Variants in CIMIP3 observed in about 807,000 individuals in gnomAD.
The protein encoded by CIMIP3 is ciliary microtubule inner protein 3.
the CIMIP3 span, chr6:42,155,711 A>G: frequency 1.7e-5 from 12 of 701,420 alleles, no homozygotes; most frequent in Non-Finnish European, 3.2e-5. Flanking sequence ...AGGGAACAGG[A>G]CACCCTCCAT....
At chr6:42,161,423 A>G in the CIMIP3 span, among the ~76,000 whole-genome samples, 1 of 152,116 alleles carries the variant, frequency 6.6e-6, no homozygotes, top group African/African-American at 2.4e-5. Flanking sequence ...AGGATGGATG[A>G]TTGCCTACAG....
At chr6:42,160,919 T>C in the CIMIP3 span, among the ~76,000 whole-genome samples, 1 of 152,226 alleles carries the variant, frequency 6.6e-6, no homozygotes, top group Non-Finnish European at 1.5e-5. Flanking sequence ...CCGGGTGAAG[T>C]GGCTCATGCC....
At chr6:42,162,558 G>T in the CIMIP3 span, among the ~76,000 whole-genome samples, 1 of 151,186 alleles carries the variant, frequency 6.6e-6, no homozygotes, top group Non-Finnish European at 1.5e-5. Context: ...CGGAGCAGTG[G>T]CAGGGAAGAG....
At chr6:42,155,424 C>T in the CIMIP3 span, 1 of 652,576 alleles carries the variant, frequency 1.5e-6, no homozygotes, top group South Asian at 1.7e-5. Context: ...GCCAAGAGTC[C>T]TCCCTGACCA....
the CIMIP3 span, chr6:42,163,085 G>A: frequency 2.8e-6 from 2 of 716,032 alleles, no homozygotes; most frequent in East Asian, 2.7e-5. Flanking sequence ...GCAGAATCCG[G>A]ACAAGCTCAG....
the CIMIP3 span, among the ~76,000 whole-genome samples, chr6:42,161,660 G>A: frequency 6.6e-6 from 1 of 152,172 alleles, no homozygotes; most frequent in Non-Finnish European, 1.5e-5. Context: ...AAGAGTGGTG[G>A]TTAGGACGAG....
chr6:42,157,629 A>G, the CIMIP3 span, among the ~76,000 whole-genome samples: 3 of 151,472 alleles, frequency 2.0e-5, no homozygotes, highest in East Asian at 1.9e-4. Context: ...GCCTCAAGCA[A>G]TCCTCCTGCC....
At chr6:42,158,875 C>T in the CIMIP3 span, among the ~76,000 whole-genome samples, 1 of 152,174 alleles carries the variant, frequency 6.6e-6, no homozygotes. Flanking sequence ...TGGCCCCAAC[C>T]CCATGAGCCC....
chr6:42,159,769 C>T, the CIMIP3 span, among the ~76,000 whole-genome samples: 2 of 152,226 alleles, frequency 1.3e-5, no homozygotes, highest in Admixed American at 6.5e-5. Context: ...GCACAAGACA[C>T]GTCATGGAGC....
At chr6:42,159,698 G>A in the CIMIP3 span, among the ~76,000 whole-genome samples, 11 of 152,208 alleles carry the variant, frequency 7.2e-5, no homozygotes, top group Non-Finnish European at 1.2e-4. Flanking sequence ...GATGAAATGA[G>A]GACAGAAAGA....
the CIMIP3 span, among the ~76,000 whole-genome samples, chr6:42,162,517 GC>G: frequency 6.6e-6 from 1 of 151,346 alleles, no homozygotes; most frequent in Admixed American, 6.6e-5. Flanking sequence ...AGCTGGAGGG[GC>G]CCCACAGGAT....
the CIMIP3 span, among the ~76,000 whole-genome samples, chr6:42,158,763 G>C: frequency 6.6e-6 from 1 of 152,146 alleles, no homozygotes; most frequent in Non-Finnish European, 1.5e-5. Flanking sequence ...CCTGACATTT[G>C]GCAGATCCTC....
the CIMIP3 span, among the ~76,000 whole-genome samples, chr6:42,162,537 C>G: frequency 2.8e-4 from 41 of 147,982 alleles, no homozygotes; most frequent in East Asian, 7.9e-3. Flanking sequence ...ATAGAGAGGT[C>G]GAAGGCCTGA....
the CIMIP3 span, among the ~76,000 whole-genome samples, chr6:42,157,486 G>A: frequency 1.4e-4 from 22 of 152,056 alleles, no homozygotes; most frequent in Non-Finnish European, 2.6e-4. Flanking sequence ...CTGGGCTCAA[G>A]TGATCTGCCC....
At chr6:42,160,066 G>C in the CIMIP3 span, among the ~76,000 whole-genome samples, 1 of 152,076 alleles carries the variant, frequency 6.6e-6, no homozygotes, top group Non-Finnish European at 1.5e-5. Context: ...GCTCACTGCA[G>C]CCTCGACCTC....
chr6:42,160,442 A>G, the CIMIP3 span, among the ~76,000 whole-genome samples: 3 of 152,342 alleles, frequency 2.0e-5, no homozygotes, highest in South Asian at 6.2e-4. Flanking sequence ...GCACTGGGGT[A>G]GGCTCTAGGG....
the CIMIP3 span, among the ~76,000 whole-genome samples, chr6:42,162,021 A>G: frequency 2.0e-4 from 29 of 145,856 alleles, no homozygotes; most frequent in Admixed American, 5.5e-4. Flanking sequence ...AGGGAACAAG[A>G]GGTAGACTGT....
the CIMIP3 span, among the ~76,000 whole-genome samples, chr6:42,158,311 C>T: frequency 3.3e-5 from 5 of 152,090 alleles, no homozygotes; most frequent in Admixed American, 3.3e-4. Context: ...TGGCTTGGCC[C>T]CTAGAAAGGG....
the CIMIP3 span, among the ~76,000 whole-genome samples, chr6:42,160,447 C>T: frequency 6.6e-6 from 1 of 152,130 alleles, no homozygotes; most frequent in Non-Finnish European, 1.5e-5. Context: ...GGGGTAGGCT[C>T]TAGGGAAAAA....
Sources: allele counts gnomAD v4.1 joint callset (sites outside exome capture counted in the v4.1 genomes callset), GRCh38; gene constraint gnomAD v4.1.1; transcripts MANE v1.5; gene names NCBI Gene and HGNC (gene_info 2026-07-23, HGNC 2026-07-21).